GRM5: variants seen among roughly 807,000 people sequenced by gnomAD.
GRM5 encodes the protein metabotropic glutamate receptor 5.
GRM5 carries 19 observed loss-of-function variants against 83.1 expected under a neutral mutation model. The ratio of observed to expected loss-of-function variants is 0.23; its 90% CI spans 0.16 to 0.34. GRM5 has a LOEUF of 0.34. Among genes scored for constraint, GRM5 ranks in the 10% least tolerant of loss-of-function variants. The pLI, the probability that GRM5 is intolerant of heterozygous loss-of-function variation, is 1.00. For synonymous variants in GRM5, 675 were observed against 633.6 expected, an observed-to-expected ratio of 1.07 and a Z score of -0.98; for missense variants, 1,160 against 1,588.3, an observed-to-expected ratio of 0.73 and a Z score of 4.58.
chr11:89,017,060 A>C (rs1940877006), intron 2 of GRM5, among the ~76,000 whole-genome samples: 1 of 152,214 alleles, frequency 6.6e-6, no homozygotes, highest in Admixed American at 6.5e-5. Context: ...GGTAGATATA[A>C]GAATAAATTT....
chr11:88,657,749 T>C (rs971113735), intron 3 of GRM5, among the ~76,000 whole-genome samples: 9 of 152,164 alleles, frequency 5.9e-5, no homozygotes, highest in Non-Finnish European at 1.3e-4. Context: ...CTATTTTTTT[T>C]CCTAGGTCTC....
chr11:88,509,198 C>A lies in GRM5; in HGVS notation c.3033G>T (p.Pro1011=). 1 of 1,533,916 alleles carries A rather than the reference C, an allele frequency of 6.5e-7. No homozygotes were observed. Among genetic ancestry groups the A allele is most frequent in the Non-Finnish European group, 8.8e-7 (1 of 1,142,710 alleles). The change falls in exon 10 of 10, where the codon CCG becomes CCT. Residue 1011 remains proline (P), a synonymous_variant. Coordinates refer to ENST00000305447, the MANE Select transcript of GRM5 (RefSeq NM_001143831.3). The part of the protein sequence containing the change: ...YDVAEAEEHF[P]APARPRSPSP... Reference sequence around the variant, plus strand: ...ACGGTGAGCGCGGCCGCGCGGGCGCCGGGAAGTGCTCCTCAGCCTCGGCCA... The same window carrying A: ...ACGGTGAGCGCGGCCGCGCGGGCGCAGGGAAGTGCTCCTCAGCCTCGGCCA...
At chr11:88,609,073 G>A (rs769116465) in intron 4 of GRM5, among the ~76,000 whole-genome samples, 6 of 152,258 alleles carry the variant, frequency 3.9e-5, no homozygotes, top group Middle Eastern at 3.4e-3. Flanking sequence ...GAGGATTGGT[G>A]TATAAATGAT....
chr11:88,970,102 T>TATGCATATGA (rs1939121409), intron 2 of GRM5, among the ~76,000 whole-genome samples: 1 of 152,168 alleles, frequency 6.6e-6, no homozygotes, highest in African/African-American at 2.4e-5. Context: ...TATAATATAC[T>TATGCATATGA]ATGCATAACT....
intron 2 of GRM5, among the ~76,000 whole-genome samples, chr11:88,958,409 A>C (rs1938689572): frequency 2.0e-5 from 3 of 151,916 alleles, no homozygotes; most frequent in African/African-American, 7.2e-5. Context: ...AACATAAAAA[A>C]ATTAAAAGAA....
intron 4 of GRM5, among the ~76,000 whole-genome samples, chr11:88,621,048 T>C (rs1938620256): frequency 6.6e-6 from 1 of 152,226 alleles, no homozygotes; most frequent in African/African-American, 2.4e-5. Flanking sequence ...TTATTTTAGA[T>C]ACCATATCTC....
intron 3 of GRM5, among the ~76,000 whole-genome samples, chr11:88,734,822 T>C (rs1435587168): frequency 6.6e-6 from 1 of 152,104 alleles, no homozygotes; most frequent in African/African-American, 2.4e-5. Context: ...GTGTTTGTTA[T>C]TGACAATGAA....
chr11:88,592,772 C>G (rs1452979830), intron 6 of GRM5, among the ~76,000 whole-genome samples: 1 of 152,150 alleles, frequency 6.6e-6, no homozygotes, highest in Non-Finnish European at 1.5e-5. Flanking sequence ...AATTCTCTTT[C>G]ATGGCAATTT....
intron 3 of GRM5, among the ~76,000 whole-genome samples, chr11:88,659,229 G>A (rs975020234): frequency 1.3e-5 from 2 of 152,152 alleles, no homozygotes; most frequent in South Asian, 2.1e-4. Flanking sequence ...TCCTAGGCTG[G>A]ACAGTATTGG....
chr11:88,984,272 T>C (rs1939618365), intron 2 of GRM5, among the ~76,000 whole-genome samples: 3 of 152,144 alleles, frequency 2.0e-5, no homozygotes, highest in Admixed American at 2.0e-4. Context: ...GGGTGTACCA[T>C]TTTTTATCTT....
chr11:88,611,948 T>TTTCC (rs1260872347), intron 4 of GRM5, among the ~76,000 whole-genome samples: 2 of 149,916 alleles, frequency 1.3e-5, no homozygotes, highest in African/African-American at 4.9e-5. Flanking sequence ...TTTCAAAGAA[T>TTTCC]TTATTTATTT....
intron 2 of GRM5, among the ~76,000 whole-genome samples, chr11:88,870,259 A>G (rs1227685266): frequency 6.6e-6 from 1 of 151,592 alleles, no homozygotes; most frequent in Non-Finnish European, 1.5e-5. Context: ...CCCAAGACAG[A>G]CAGAGTTGCA....
chr11:88,788,699 T>C (rs919311798), intron 3 of GRM5, among the ~76,000 whole-genome samples: 1 of 152,184 alleles, frequency 6.6e-6, no homozygotes, highest in Non-Finnish European at 1.5e-5. Flanking sequence ...ACATAAATGC[T>C]TCTTAATTTC....
At chr11:88,756,073 C>G (rs1298377509) in intron 3 of GRM5, among the ~76,000 whole-genome samples, 1 of 152,194 alleles carries the variant, frequency 6.6e-6, no homozygotes, top group Non-Finnish European at 1.5e-5. Context: ...TCTCTACATT[C>G]TACCCATCTA....
intron 2 of GRM5, among the ~76,000 whole-genome samples, chr11:88,913,305 G>T (rs1036490528): frequency 7.7e-4 from 117 of 152,110 alleles, no homozygotes; most frequent in African/African-American, 2.7e-3. Flanking sequence ...TCAAGATCCA[G>T]TCTCTCGACA....
chr11:88,646,999 C>T (rs562771592), intron 4 of GRM5, among the ~76,000 whole-genome samples: 15 of 151,948 alleles, frequency 9.9e-5, no homozygotes, highest in Admixed American at 4.6e-4. Context: ...CAATGTCATA[C>T]TCCCTCTGAG....
chr11:88,984,966 G>C, intron 2 of GRM5: 1 of 552,810 alleles, frequency 1.8e-6, no homozygotes, highest in Non-Finnish European at 3.3e-6. Flanking sequence ...TCTAATCACA[G>C]TATTATGTGT....
intron 7 of GRM5, among the ~76,000 whole-genome samples, chr11:88,577,925 G>A (rs913373751): frequency 2.0e-5 from 3 of 152,046 alleles, no homozygotes; most frequent in Admixed American, 6.6e-5. Flanking sequence ...TACATCTCAA[G>A]GATTAGTGTG....
At chr11:88,524,135 C>T (rs1941783861) in intron 9 of GRM5, 1 of 151,584 alleles carries the variant, frequency 6.6e-6, no homozygotes, top group Non-Finnish European at 1.5e-5. Flanking sequence ...CATTCTGGAA[C>T]TGTTTAATGT....
Sources: gnomAD v4.1 joint callset for allele counts (sites outside exome capture counted in the v4.1 genomes callset) on GRCh38, gnomAD v4.1.1 for gene constraint, MANE v1.5 for transcripts, NCBI Gene and HGNC (gene_info 2026-07-23, HGNC 2026-07-21) for gene names.